Variants in TACC2 observed in about 807,000 individuals in gnomAD.
TACC2 encodes transforming acidic coiled-coil containing protein 2.
TACC2 carries 137 observed loss-of-function variants against 227.3 expected under a neutral mutation model. That is an observed-to-expected ratio of 0.60 (90% confidence interval 0.52 to 0.69). The LOEUF (loss-of-function observed/expected upper bound fraction) is 0.69. Ranked by LOEUF, TACC2 falls within the 30% of genes least tolerant of loss-of-function variation. TACC2 has a pLI of 0.00. For synonymous variants in TACC2, 1,523 were observed against 1,487.5 expected (o/e 1.02, Z -0.55); for missense variants, 3,470 against 3,694.4 (o/e 0.94, Z 1.57).
chr10:121,993,329 TTAAA>T (rs1565015576), intron 1 of TACC2, among the ~76,000 whole-genome samples: 1 of 152,198 alleles, frequency 6.6e-6, no homozygotes. Context: ...ATTTTGAAAA[TTAAA>T]TATTTCCGAT....
intron 11 of TACC2, among the ~76,000 whole-genome samples, chr10:122,220,058 A>G (rs577367190): frequency 6.6e-6 from 1 of 152,020 alleles, no homozygotes; most frequent in African/African-American, 2.4e-5. Flanking sequence ...AAAAGAAAAA[A>G]GAAAGAAGCC....
intron 3 of TACC2, among the ~76,000 whole-genome samples, chr10:122,063,868 ATG>A (rs2077111446): frequency 6.6e-6 from 1 of 151,090 alleles, no homozygotes; most frequent in Non-Finnish European, 1.5e-5. Context: ...CCTTAAAGAA[ATG>A]TGTGTGTGTG....
At chr10:122,019,533 A>G (rs1416282461) in intron 1 of TACC2, among the ~76,000 whole-genome samples, 1 of 152,252 alleles carries the variant, frequency 6.6e-6, no homozygotes, top group Non-Finnish European at 1.5e-5. Context: ...GCGGCCAATC[A>G]GATGGCAGGG....
In TACC2 at chr10:122,085,737, A is replaced by T. The variant is rs2080027930; in HGVS notation, c.3237A>T (p.Thr1079=). Reference sequence around the variant, plus strand: ...CACCCACCCAGGATGCCCCAGAGACAGAGGCATGTGATGAAACCCAGGAAG... The same window carrying T: ...CACCCACCCAGGATGCCCCAGAGACTGAGGCATGTGATGAAACCCAGGAAG... ...GVTPTQDAPE[T]EACDETQEGR... Residue 1079 remains threonine (T), a synonymous_variant, in exon 4 of 23, where the codon ACA becomes ACT. Transcript: ENST00000369005. The T allele has an allele frequency of 6.2e-7, 1 of 1,613,618 alleles. No homozygotes were observed. Among genetic ancestry groups the T allele is most frequent in the African/African-American group, 1.3e-5 (1 of 74,922 alleles).
chr10:122,225,612 G>A (rs534950462), intron 12 of TACC2, among the ~76,000 whole-genome samples: 2 of 152,280 alleles, frequency 1.3e-5, no homozygotes, highest in African/African-American at 4.8e-5. Flanking sequence ...TAATACTGAG[G>A]GCGAGACATT....
chr10:122,106,646 T>C (rs2082839155), intron 5 of TACC2, among the ~76,000 whole-genome samples: 1 of 152,258 alleles, frequency 6.6e-6, no homozygotes. Context: ...ATGTGCTTTG[T>C]GGTCTTTCAT....
At chr10:122,249,326 C>T (rs2141921099) in intron 21 of TACC2, among the ~76,000 whole-genome samples, 170 bp downstream of exon 21, 1 of 152,210 alleles carries the variant, frequency 6.6e-6, no homozygotes, top group East Asian at 1.9e-4. Flanking sequence ...ATCATTTAAT[C>T]AGTGGAGGAT....
chr10:122,133,711 G>A (rs1458115930), intron 6 of TACC2, among the ~76,000 whole-genome samples: 3 of 152,116 alleles, frequency 2.0e-5, no homozygotes, highest in African/African-American at 4.8e-5. Context: ...TTCTCCCCAC[G>A]CTGAGAGAAG....
chr10:122,241,672 C>T, intron 18 of TACC2: 1 of 481,346 alleles, frequency 2.1e-6, no homozygotes, highest in Admixed American at 3.3e-5. Context: ...AAGTAATCCA[C>T]CAGCCTCAGC....
chr10:122,072,312 T>C (rs747207759), intron 3 of TACC2, among the ~76,000 whole-genome samples: 1 of 152,188 alleles, frequency 6.6e-6, no homozygotes, highest in Non-Finnish European at 1.5e-5. Context: ...CCTGGATTGC[T>C]CAAGCATCAC....
At chr10:122,007,483 G>A (rs1955321464) in intron 1 of TACC2, among the ~76,000 whole-genome samples, 1 of 152,140 alleles carries the variant, frequency 6.6e-6, no homozygotes, top group African/African-American at 2.4e-5. Flanking sequence ...CAAGTAATAT[G>A]TGTGAAATAT....
At chr10:122,044,655 T>C (rs1244217839) in intron 2 of TACC2, among the ~76,000 whole-genome samples, 1 of 151,448 alleles carries the variant, frequency 6.6e-6, no homozygotes, top group African/African-American at 2.4e-5. Context: ...TGGTCTAGAG[T>C]GATGGAGCGT....
Position 122,087,689 on chromosome 10 carries a change from C to G in TACC2, c.5189C>G (p.Thr1730Arg). 1 of 1,613,258 alleles carries G rather than the reference C, an allele frequency of 6.2e-7. No individual in the cohort carries two copies. The highest frequency in any genetic ancestry group is 8.5e-7 in the Non-Finnish European group (1 of 1,179,960). The change falls in exon 4 of 23, where the codon ACG becomes AGG. Residue 1730 changes from threonine to arginine, a missense_variant. Physicochemically the swap from Thr to Arg is moderately conservative, Grantham distance 71. Around this residue, in one of 10 missense-constraint regions of TACC2, gnomAD observed 1,924 missense variants for 1,978.3 expected, o/e 0.97. Transcript: ENST00000369005. The part of the protein sequence containing the change: ...ASGDLPEAGT[T>R]RTFSVVAGDL... ...GGTGATCTGCCTGAAGCAGGTACTACGAGGACATTCTCCGTTGTGGCAGGT... is the reference window on the plus strand; with the variant it reads ...GGTGATCTGCCTGAAGCAGGTACTAGGAGGACATTCTCCGTTGTGGCAGGT...
At chr10:122,198,799 C>T (rs1408288702) in intron 8 of TACC2, among the ~76,000 whole-genome samples, 1 of 152,082 alleles carries the variant, frequency 6.6e-6, no homozygotes, top group Non-Finnish European at 1.5e-5. Context: ...TGGGGCAGGC[C>T]CTTAGTAGGT....
At position 122,087,621 on chromosome 10, in the gene TACC2, T is replaced by G. The variant is rs1591841970; in HGVS notation, c.5121T>G (p.Gly1707=). 1 of 1,613,458 alleles carries G rather than the reference T, an allele frequency of 6.2e-7. No individual in the cohort carries two copies. The highest frequency in any genetic ancestry group is 8.5e-7 in the Non-Finnish European group (1 of 1,179,996). Residue 1707 remains glycine, a synonymous_variant, in exon 4 of 23, where the codon GGT becomes GGG. Coordinates refer to ENST00000369005, the MANE Select transcript of TACC2 (RefSeq NM_206862.4). ...CAGGCGCTGCTGGGGAAGCAGAGGG[T>G]GACATCACCCTGAGCACAGCTGAGA... ...KVAGAAGEAE[G]DITLSTAETQ...
intron 7 of TACC2, among the ~76,000 whole-genome samples, chr10:122,165,337 C>G (rs915395924): frequency 3.3e-5 from 5 of 152,032 alleles, no homozygotes; most frequent in African/African-American, 1.2e-4. Flanking sequence ...AGGCACTGGC[C>G]AACTCTCACG....
At chr10:122,129,022 A>G (rs1433007075) in intron 5 of TACC2, among the ~76,000 whole-genome samples, 4 of 150,688 alleles carry the variant, frequency 2.7e-5, no homozygotes, top group Non-Finnish European at 5.9e-5. Flanking sequence ...AATAATGGAC[A>G]TGTTTGCATC....
At position 122,087,150 on chromosome 10, in the gene TACC2, G is replaced by C. The variant is rs755799027; in HGVS notation, c.4650G>C (p.Glu1550Asp). 3 of 1,611,482 alleles carry C rather than the reference G, an allele frequency of 1.9e-6. No individual in the cohort carries two copies. In the South Asian group the frequency reaches 3.3e-5, roughly 18 times the overall value. Residue 1550 changes from glutamate (E) to aspartate (D), a missense_variant, in exon 4 of 23, where the codon GAG becomes GAC. Around this residue, in one of 10 missense-constraint regions of TACC2, gnomAD observed 1,924 missense variants for 1,978.3 expected, o/e 0.97. Coordinates refer to ENST00000369005, the MANE Select transcript of TACC2 (RefSeq NM_206862.4). The part of the protein sequence containing the change: ...GLEGQAYSQL[E>D]RSRQELASGL... ...AAGGCCAGGCTTACTCACAGCTGGA[G>C]AGGAGCAGGCAGGAATTAGCTTCAG...
intron 3 of TACC2, among the ~76,000 whole-genome samples, chr10:122,076,709 TA>T (rs113901712): frequency 0.049 from 6,943 of 142,976 alleles, 195 homozygotes; most frequent in South Asian, 0.13. Context: ...ACAGAAGTAT[TA>T]AAAAAAAAAA....
Sources: gnomAD v4.1 joint callset for allele counts (sites outside exome capture counted in the v4.1 genomes callset) on GRCh38, gnomAD v4.1.1 for gene constraint, gnomAD v4.1.1 regional missense constraint, MANE v1.5 for transcripts, NCBI Gene and HGNC (gene_info 2026-07-23, HGNC 2026-07-21) for gene names.